The following AXDND1 variants were observed in gnomAD, a reference collection of about 807,000 sequenced individuals.
The protein encoded by AXDND1 is axonemal dynein light chain domain containing 1.
AXDND1 carries 110 observed loss-of-function variants against 137.5 expected under a neutral mutation model. The ratio of observed to expected loss-of-function variants is 0.80; its 90% CI spans 0.69 to 0.94. The LOEUF is 0.94. Ranked by LOEUF, AXDND1 falls within the 40% of genes least tolerant of loss-of-function variation. The probability of loss-of-function intolerance (pLI) is 0.00; values close to 1 mark genes in which losing one functional copy is unlikely to be tolerated. For missense variants in AXDND1, 1,191 were observed against 1,169.8 expected (o/e 1.02, Z -0.26); for synonymous variants, 414 against 399.7 (o/e 1.04, Z -0.43).
intron 16 of AXDND1, among the ~76,000 whole-genome samples, chr1:179,464,165 A>G (rs1488591924): frequency 1.3e-5 from 2 of 152,160 alleles, no homozygotes; most frequent in Non-Finnish European, 2.9e-5. Context: ...TTATGCTGTT[A>G]GCTGGTTATT....
chr1:179,550,876 A>G (rs760150467), intron 25 of AXDND1: 3 of 427,352 alleles, frequency 7.0e-6, no homozygotes, highest in Non-Finnish European at 4.4e-6. Flanking sequence ...CCAAGTTCCC[A>G]GAAGTCAAAA....
At chr1:179,505,201 A>C (rs1668416323) in intron 20 of AXDND1, among the ~76,000 whole-genome samples, 1 of 152,232 alleles carries the variant, frequency 6.6e-6, no homozygotes, top group Non-Finnish European at 1.5e-5. Flanking sequence ...AGCCTTGTCT[A>C]ATGCAGCTCT....
intron 18 of AXDND1, among the ~76,000 whole-genome samples, chr1:179,483,564 T>C (rs1205408922): frequency 2.0e-5 from 3 of 152,196 alleles, no homozygotes; most frequent in Admixed American, 2.0e-4. Flanking sequence ...CAGTAAATGT[T>C]TGTTGAATGA....
chr1:179,471,850 A>AT (rs578163536), intron 17 of AXDND1, among the ~76,000 whole-genome samples: 185 of 151,154 alleles, frequency 1.2e-3, no homozygotes, highest in Non-Finnish European at 2.2e-3. Context: ...ACAGCTATAA[A>AT]TTTCCCTCTA....
intron 16 of AXDND1, chr1:179,456,588 CCATCATTACCAA>C: frequency 1.3e-6 from 1 of 781,242 alleles, no homozygotes. Context: ...TCCATAACCA[CCATCATTACCAA>C]ACCCATTATA....
intron 12 of AXDND1, among the ~76,000 whole-genome samples, chr1:179,412,647 T>A (rs1295217671): frequency 2.6e-5 from 4 of 152,138 alleles, no homozygotes; most frequent in Admixed American, 2.6e-4. Flanking sequence ...ACTGGGGACA[T>A]GCTAGAGGCA....
chr1:179,455,953 CCA>C (rs1491324855), intron 16 of AXDND1: 377 of 172,562 alleles, frequency 2.2e-3, no homozygotes, highest in Middle Eastern at 9.1e-3. Context: ...AGCATGGGTG[CCA>C]AAAAAAAAAA....
intron 22 of AXDND1, among the ~76,000 whole-genome samples, chr1:179,525,668 T>A (rs1433437909): frequency 3.3e-5 from 5 of 152,084 alleles, no homozygotes; most frequent in Admixed American, 6.6e-5. Flanking sequence ...AGCTAATTTT[T>A]AAAATTTTTT....
intron 16 of AXDND1, chr1:179,456,054 A>G (rs1661361154): frequency 2.2e-6 from 1 of 447,162 alleles, no homozygotes; most frequent in African/African-American, 2.0e-5. Context: ...CACAAATAAC[A>G]GTCCTCGAGT....
intron 17 of AXDND1, among the ~76,000 whole-genome samples, chr1:179,470,031 C>G (rs942566290): frequency 6.6e-6 from 1 of 152,092 alleles, no homozygotes; most frequent in African/African-American, 2.4e-5. Flanking sequence ...CAATTTCATT[C>G]TTTTGCATGT....
At position 179,366,621 on chromosome 1, in the gene AXDND1, T is replaced by C; in HGVS notation, c.97+15T>C. Reference sequence around the variant, plus strand: ...AGGGACAAGAGGTAAACTTCGTTGATTCTGAAGTCATAAACAGTCATGGCC... The same window carrying C: ...AGGGACAAGAGGTAAACTTCGTTGACTCTGAAGTCATAAACAGTCATGGCC... On this transcript the variant is annotated intron_variant, in intron 2 of 25. Coordinates refer to ENST00000367618, the MANE Select transcript of AXDND1 (RefSeq NM_144696.6). 1.3e-6 allele frequency: 2 copies of C among 1,583,012 alleles called. No individual in the cohort carries two copies. The highest frequency in any genetic ancestry group is 2.2e-5 in the South Asian group (2 of 90,380).
At chr1:179,448,387 C>T in intron 16 of AXDND1, 1 of 649,788 alleles carries the variant, frequency 1.5e-6, no homozygotes, top group Non-Finnish European at 2.8e-6. Flanking sequence ...TAAAAGTGGC[C>T]TCTCAGTTCC....
At chr1:179,515,468 T>A (rs1411541519) in intron 21 of AXDND1, among the ~76,000 whole-genome samples, 1 of 152,204 alleles carries the variant, frequency 6.6e-6, no homozygotes. Flanking sequence ...TTTTCCTTTA[T>A]AGGGTACCTG....
chr1:179,487,093 C>G (rs2125558046), intron 18 of AXDND1, among the ~76,000 whole-genome samples: 1 of 148,590 alleles, frequency 6.7e-6, no homozygotes, highest in Middle Eastern at 3.4e-3. Context: ...GCAGTGACAC[C>G]CAAAGTCTCC....
At chr1:179,520,254 A>G (rs1669925924) in intron 21 of AXDND1, among the ~76,000 whole-genome samples, 2 of 152,276 alleles carry the variant, frequency 1.3e-5, no homozygotes, top group South Asian at 4.1e-4. Context: ...GACTTTGCTG[A>G]AGTTGTTTAT....
At chr1:179,488,636 TTTC>T (rs751170211) in intron 18 of AXDND1, among the ~76,000 whole-genome samples, 6,560 of 45,604 alleles carry the variant, frequency 0.14, 790 homozygotes, top group Admixed American at 0.16. Flanking sequence ...CTCTCTCTCC[TTTC>T]TTTCTTTCTT....
intron 16 of AXDND1, among the ~76,000 whole-genome samples, chr1:179,466,247 A>T (rs1161821263): frequency 1.3e-5 from 2 of 149,080 alleles, no homozygotes; most frequent in Non-Finnish European, 3.0e-5. Context: ...GCCATCTTGG[A>T]ACCTCCTCTT....
intron 11 of AXDND1, among the ~76,000 whole-genome samples, chr1:179,402,641 C>G (rs377589846): frequency 1.3e-5 from 2 of 152,136 alleles, no homozygotes; most frequent in African/African-American, 4.8e-5. Flanking sequence ...CATCAGTATG[C>G]AAATATGCTA....
intron 4 of AXDND1, 112 bp from the exon 5 acceptor site, chr1:179,378,525 T>C (rs1275434685): frequency 3.9e-6 from 3 of 768,460 alleles, no homozygotes; most frequent in East Asian, 6.7e-5. Context: ...TCAGTTTTGC[T>C]GACACAGAGG....
Sources: gnomAD v4.1 joint callset for allele counts (sites outside exome capture counted in the v4.1 genomes callset) on GRCh38, gnomAD v4.1.1 for gene constraint, MANE v1.5 for transcripts, NCBI Gene and HGNC (gene_info 2026-07-23, HGNC 2026-07-21) for gene names.